Variants in GALNT17 observed in about 807,000 individuals in gnomAD.
GALNT17 encodes the protein UDP-GalNAc:polypeptide N-acetylgalactosaminyltransferase-like 3.
In GALNT17, 29 loss-of-function variants were observed where a neutral mutation model predicts 63.7. The observed-to-expected ratio is 0.46, with a 90% CI of 0.34 to 0.62. The LOEUF (loss-of-function observed/expected upper bound fraction) is 0.62, where lower values mean the gene tolerates loss of function less well. Among genes scored for constraint, GALNT17 ranks in the 20% least tolerant of loss-of-function variants. GALNT17 has a pLI of 0.01. For missense variants in GALNT17, 603 were observed against 799.6 expected (o/e 0.75, Z 2.97); for synonymous variants, 305 against 318.3 (o/e 0.96, Z 0.45).
chr7:71,604,350 T>C (rs963595386), intron 6 of GALNT17, among the ~76,000 whole-genome samples: 2 of 152,174 alleles, frequency 1.3e-5, no homozygotes, highest in Non-Finnish European at 2.9e-5. Context: ...GCTGAGTGCA[T>C]ACAGTAGATA....
At chr7:71,471,946 G>C (rs1223889452) in intron 5 of GALNT17, among the ~76,000 whole-genome samples, 1 of 147,460 alleles carries the variant, frequency 6.8e-6, no homozygotes, top group Non-Finnish European at 1.5e-5. Flanking sequence ...TTTTTTTAAT[G>C]TAGGTTGTTA....
chr7:71,183,583 G>A (rs112949733), intron 1 of GALNT17, among the ~76,000 whole-genome samples: 2,206 of 152,178 alleles, frequency 0.014, 18 homozygotes, highest in Non-Finnish European at 0.02. Flanking sequence ...GAGATCCCCC[G>A]AGCCAGAAAT....
At chr7:71,621,553 A>AGATGGATGGATGGATGGATGGATG (rs71089967) in intron 6 of GALNT17, among the ~76,000 whole-genome samples, 6 of 143,040 alleles carry the variant, frequency 4.2e-5, no homozygotes, top group Middle Eastern at 3.6e-3. Context: ...ATTGATGGAT[A>AGATGGATGGATGGATGGATGGATG]GATGGATGGA....
At chr7:71,450,985 G>T (rs1464933523) in intron 5 of GALNT17, among the ~76,000 whole-genome samples, 1 of 149,668 alleles carries the variant, frequency 6.7e-6, no homozygotes, top group Non-Finnish European at 1.5e-5. Flanking sequence ...CAATGTGCAG[G>T]TTTGCTACAT....
At chr7:71,492,559 G>A (rs1490336584) in intron 5 of GALNT17, among the ~76,000 whole-genome samples, 1 of 152,154 alleles carries the variant, frequency 6.6e-6, no homozygotes, top group Admixed American at 6.5e-5. Flanking sequence ...TCTAACTAAG[G>A]CATCTAATGG....
intron 1 of GALNT17, among the ~76,000 whole-genome samples, chr7:71,329,871 G>A (rs1791772514): frequency 6.6e-6 from 1 of 151,528 alleles, no homozygotes. Context: ...TACCTTGGAG[G>A]TCCTTTGGGT....
At chr7:71,516,900 G>A (rs1184684138) in intron 5 of GALNT17, among the ~76,000 whole-genome samples, 1 of 152,110 alleles carries the variant, frequency 6.6e-6, no homozygotes, top group Non-Finnish European at 1.5e-5. Flanking sequence ...GCCTCCCAGG[G>A]TCATGCTTGG....
At chr7:71,376,297 C>T (rs1275616776) in intron 2 of GALNT17, among the ~76,000 whole-genome samples, 2 of 151,498 alleles carry the variant, frequency 1.3e-5, no homozygotes, top group African/African-American at 4.9e-5. Flanking sequence ...GCAGCATTTC[C>T]TGTGCATGCA....
chr7:71,299,271 T>G (rs2115868064), intron 1 of GALNT17, among the ~76,000 whole-genome samples: 1 of 152,294 alleles, frequency 6.6e-6, no homozygotes, highest in Admixed American at 6.5e-5. Flanking sequence ...TCTTGGATGG[T>G]GTTTTAATCC....
intron 5 of GALNT17, among the ~76,000 whole-genome samples, chr7:71,564,935 G>T (rs1489960675): frequency 6.6e-6 from 1 of 152,146 alleles, no homozygotes; most frequent in Non-Finnish European, 1.5e-5. Context: ...ACCACACACA[G>T]CCACAGACAC....
At chr7:71,681,098 G>T (rs1791255075) in intron 9 of GALNT17, among the ~76,000 whole-genome samples, 1 of 152,086 alleles carries the variant, frequency 6.6e-6, no homozygotes, top group African/African-American at 2.4e-5. Flanking sequence ...ATAGAGTCTT[G>T]CTGTGTTGCC....
chr7:71,464,925 T>A (rs1375687458), intron 5 of GALNT17, among the ~76,000 whole-genome samples: 1 of 152,154 alleles, frequency 6.6e-6, no homozygotes, highest in Non-Finnish European at 1.5e-5. Context: ...AGACAAGGTG[T>A]TGGGGCAAGG....
intron 1 of GALNT17, among the ~76,000 whole-genome samples, chr7:71,234,250 A>G (rs1399885809): frequency 6.6e-6 from 1 of 152,084 alleles, no homozygotes; most frequent in Admixed American, 6.6e-5. Context: ...AGGACATTGC[A>G]TTTAATTTTA....
chr7:71,157,743 A>C (rs74925462), intron 1 of GALNT17, among the ~76,000 whole-genome samples: 4,122 of 151,946 alleles, frequency 0.027, 97 homozygotes, highest in Non-Finnish European at 0.04. Context: ...AGTAACAAAT[A>C]CATTTATATT....
chr7:71,711,961 C>T (rs770871795), intron 10 of GALNT17, 57 bp from the exon 11 acceptor site: 75 of 1,580,264 alleles, frequency 4.7e-5, no homozygotes, highest in Non-Finnish European at 5.3e-5. Flanking sequence ...CTATATCTCT[C>T]GCTGTCTCTC....
At chr7:71,448,054 G>A (rs1417999155) in intron 5 of GALNT17, among the ~76,000 whole-genome samples, 1 of 152,116 alleles carries the variant, frequency 6.6e-6, no homozygotes, top group East Asian at 1.9e-4. Flanking sequence ...TTTAGTGCTT[G>A]TATGTGTAAA....
At chr7:71,444,742 A>G (rs931441291) in intron 5 of GALNT17, among the ~76,000 whole-genome samples, 8 of 152,104 alleles carry the variant, frequency 5.3e-5, no homozygotes, top group African/African-American at 1.9e-4. Flanking sequence ...CAAGAGAATT[A>G]CTTGAATCCG....
intron 5 of GALNT17, among the ~76,000 whole-genome samples, chr7:71,548,589 A>G (rs967591637): frequency 1.3e-5 from 2 of 152,200 alleles, no homozygotes; most frequent in African/African-American, 4.8e-5. Context: ...GTTCCCCTGC[A>G]TACACTCTCT....
At chr7:71,440,437 C>T (rs1361602011) in intron 5 of GALNT17, among the ~76,000 whole-genome samples, 7 of 149,098 alleles carry the variant, frequency 4.7e-5, no homozygotes, top group East Asian at 2.0e-4. Flanking sequence ...TGCAATGGCA[C>T]GATCTCAGCT....
Sources: gnomAD v4.1 joint callset for allele counts (sites outside exome capture counted in the v4.1 genomes callset) on GRCh38, gnomAD v4.1.1 for gene constraint, MANE v1.5 for transcripts, NCBI Gene and HGNC (gene_info 2026-07-23, HGNC 2026-07-21) for gene names.